Variants in DLGAP1 observed in about 807,000 individuals in gnomAD.
The protein encoded by DLGAP1 is DLG associated protein 1, also known as disks large-associated protein 1.
DLGAP1 carries 11 observed loss-of-function variants against 90.8 expected under a neutral mutation model. The observed-to-expected ratio is 0.12, with a 90% CI of 0.08 to 0.20. The LOEUF (loss-of-function observed/expected upper bound fraction) is 0.20, where lower values mean the gene tolerates loss of function less well. Among genes scored for constraint, DLGAP1 ranks in the 10% least tolerant of loss-of-function variants. DLGAP1 has a pLI of 1.00. For missense variants in DLGAP1, 1,050 were observed against 1,333.8 expected, an observed-to-expected ratio of 0.79 and a Z score of 3.31; for synonymous variants, 558 against 540.7, an observed-to-expected ratio of 1.03 and a Z score of -0.44.
At chr18:3,585,613 C>T (rs2055832442) in intron 7 of DLGAP1, among the ~76,000 whole-genome samples, 1 of 152,170 alleles carries the variant, frequency 6.6e-6, no homozygotes, top group South Asian at 2.1e-4. Flanking sequence ...TTCTTGTTAG[C>T]TCTCCTTGGT....
At chr18:4,445,427 C>T (rs2083638852) in intron 1 of DLGAP1, among the ~76,000 whole-genome samples, 1 of 149,258 alleles carries the variant, frequency 6.7e-6, no homozygotes, top group Admixed American at 6.7e-5. Context: ...AGGTATATCT[C>T]CCAATGCTAT....
chr18:3,546,801 T>A (rs2053054582), intron 9 of DLGAP1, among the ~76,000 whole-genome samples: 1 of 152,016 alleles, frequency 6.6e-6, no homozygotes, highest in Admixed American at 6.6e-5. Context: ...AGCTTCCACC[T>A]TAAACTAAAA....
chr18:3,549,371 T>C (rs1408639763), intron 9 of DLGAP1, among the ~76,000 whole-genome samples: 2 of 151,554 alleles, frequency 1.3e-5, no homozygotes, highest in Non-Finnish European at 2.9e-5. Context: ...CTCACTCTGT[T>C]GCCCAGGCTG....
At chr18:4,174,967 C>T (rs1598546489) in intron 1 of DLGAP1, among the ~76,000 whole-genome samples, 1 of 152,156 alleles carries the variant, frequency 6.6e-6, no homozygotes, top group African/African-American at 2.4e-5. Context: ...CTGTAGTTTT[C>T]CACAGTGTAT....
At chr18:4,434,259 T>G (rs184270198) in intron 1 of DLGAP1, among the ~76,000 whole-genome samples, 1 of 152,260 alleles carries the variant, frequency 6.6e-6, no homozygotes, top group African/African-American at 2.4e-5. Context: ...ATCTGAATTC[T>G]TGACCATAGC....
At chr18:4,301,779 C>T (rs1319854028) in intron 1 of DLGAP1, among the ~76,000 whole-genome samples, 1 of 152,158 alleles carries the variant, frequency 6.6e-6, no homozygotes, top group Non-Finnish European at 1.5e-5. Context: ...TACAAGGGTT[C>T]CCTTTTCTCC....
chr18:3,757,760 AT>A (rs2063775903), intron 5 of DLGAP1, among the ~76,000 whole-genome samples: 1 of 152,220 alleles, frequency 6.6e-6, no homozygotes, highest in Non-Finnish European at 1.5e-5. Flanking sequence ...CACAAAGGGC[AT>A]TTACTAAAGA....
chr18:3,837,968 A>T (rs1352002248), intron 4 of DLGAP1, among the ~76,000 whole-genome samples: 1 of 151,780 alleles, frequency 6.6e-6, no homozygotes, highest in Non-Finnish European at 1.5e-5. Context: ...TTTAAAAACC[A>T]GTATATTACT....
intron 1 of DLGAP1, among the ~76,000 whole-genome samples, chr18:4,415,576 C>CT (rs1183746456): frequency 1.3e-5 from 2 of 152,070 alleles, no homozygotes; most frequent in African/African-American, 2.4e-5. Flanking sequence ...CAAATATTAA[C>CT]TTTTTTTACT....
At chr18:4,346,045 A>G (rs2081297679) in intron 1 of DLGAP1, among the ~76,000 whole-genome samples, 1 of 152,184 alleles carries the variant, frequency 6.6e-6, no homozygotes, top group South Asian at 2.1e-4. Flanking sequence ...AGCACCACTC[A>G]CGATGTGCTG....
chr18:3,597,646 C>T (rs564432116), intron 7 of DLGAP1: 2 of 221,532 alleles, frequency 9.0e-6, no homozygotes, highest in East Asian at 3.2e-4. Context: ...CCATTGCTGC[C>T]ACTGCCCTAG....
chr18:3,669,348 G>A (rs559841861), intron 7 of DLGAP1, among the ~76,000 whole-genome samples: 1 of 152,252 alleles, frequency 6.6e-6, no homozygotes, highest in East Asian at 1.9e-4. Flanking sequence ...ACGGACCTAG[G>A]CGAGGACAGG....
intron 2 of DLGAP1, among the ~76,000 whole-genome samples, chr18:4,065,311 G>A (rs1053485083): frequency 2.0e-5 from 3 of 151,916 alleles, no homozygotes; most frequent in African/African-American, 7.2e-5. Context: ...TCAACGTAGT[G>A]TTCTGGCCAG....
intron 2 of DLGAP1, among the ~76,000 whole-genome samples, chr18:4,011,270 A>C (rs2074415448): frequency 6.6e-6 from 1 of 151,888 alleles, no homozygotes; most frequent in Non-Finnish European, 1.5e-5. Flanking sequence ...CCGCTTTTAT[A>C]AGTGCCACCG....
intron 1 of DLGAP1, among the ~76,000 whole-genome samples, chr18:4,300,459 A>G (rs2080096734): frequency 6.6e-6 from 1 of 152,202 alleles, no homozygotes; most frequent in South Asian, 2.1e-4. Flanking sequence ...ATACACCTAC[A>G]AACTCATTCT....
At chr18:4,318,524 T>C (rs1227698059) in intron 1 of DLGAP1, among the ~76,000 whole-genome samples, 1 of 152,224 alleles carries the variant, frequency 6.6e-6, no homozygotes, top group Non-Finnish European at 1.5e-5. Context: ...GAATTCCTTC[T>C]AATGCATGAA....
intron 7 of DLGAP1, among the ~76,000 whole-genome samples, chr18:3,693,859 T>C (rs2060987149): frequency 1.3e-5 from 2 of 152,192 alleles, no homozygotes; most frequent in Admixed American, 6.5e-5. Flanking sequence ...TTTGTATCAG[T>C]GGCTGATGTA....
At chr18:4,421,276 T>C (rs896908588) in intron 1 of DLGAP1, among the ~76,000 whole-genome samples, 1 of 152,108 alleles carries the variant, frequency 6.6e-6, no homozygotes, top group Admixed American at 6.5e-5. Flanking sequence ...CTGCTCTGTC[T>C]TCACTTCACC....
At chr18:4,101,783 T>C (rs1346378411) in intron 2 of DLGAP1, among the ~76,000 whole-genome samples, 1 of 151,998 alleles carries the variant, frequency 6.6e-6, no homozygotes, top group Non-Finnish European at 1.5e-5. Context: ...TATTTAATAA[T>C]TATACACACA....
Sources: gnomAD v4.1 joint callset for allele counts (sites outside exome capture counted in the v4.1 genomes callset) on GRCh38, gnomAD v4.1.1 for gene constraint, MANE v1.5 for transcripts, NCBI Gene and HGNC (gene_info 2026-07-23, HGNC 2026-07-21) for gene names.